SLC17A1: variants seen among roughly 807,000 people sequenced by gnomAD.
SLC17A1 encodes sodium-dependent phosphate transport protein 1.
In SLC17A1, 51 loss-of-function variants were observed where a neutral mutation model predicts 53.5. The observed-to-expected ratio is 0.95, with a 90% CI of 0.76 to 1.20. SLC17A1 has a LOEUF of 1.20. Among genes scored for constraint, SLC17A1 ranks in the 50% most tolerant of loss-of-function variants. The pLI is 0.00. For missense variants in SLC17A1, 538 were observed against 568.2 expected, an observed-to-expected ratio of 0.95 and a Z score of 0.54; for synonymous variants, 179 against 198.8, an observed-to-expected ratio of 0.90 and a Z score of 0.84.
the SLC17A1 span, among the ~76,000 whole-genome samples, chr6:25,747,610 C>T: frequency 6.6e-6 from 1 of 152,268 alleles, no homozygotes; most frequent in East Asian, 1.9e-4. Flanking sequence ...TAACCACCAA[C>T]GGGATGAGAT....
At chr6:25,731,292 C>T in the SLC17A1 span, among the ~76,000 whole-genome samples, 2 of 152,230 alleles carry the variant, frequency 1.3e-5, no homozygotes, top group Non-Finnish European at 2.9e-5. Context: ...ATTCTATTTA[C>T]ATCTACAAGG....
At chr6:25,738,580 G>A in the SLC17A1 span, among the ~76,000 whole-genome samples, 4 of 149,804 alleles carry the variant, frequency 2.7e-5, no homozygotes, top group African/African-American at 4.9e-5. Context: ...GAAAGTCTCC[G>A]TGAAGAAAAA....
intron 10 of SLC17A1, among the ~76,000 whole-genome samples, chr6:25,804,500 T>C (rs896883042): frequency 2.0e-5 from 3 of 151,886 alleles, no homozygotes; most frequent in African/African-American, 7.3e-5. Context: ...ACAAAGTAGG[T>C]AACATGATGA....
intron 3 of SLC17A1, 142 bp downstream of exon 3, chr6:25,826,319 T>A: frequency 1.9e-6 from 1 of 531,612 alleles, no homozygotes; most frequent in Non-Finnish European, 3.1e-6. Flanking sequence ...ACATTTTATT[T>A]AGGTCACTCC....
At position 25,813,164 on chromosome 6, in the gene SLC17A1, A is replaced by G. The variant is rs776086296; in HGVS notation, c.666T>C (p.Asp222=). The G allele has an allele frequency of 1.2e-6, 2 of 1,614,204 alleles. No individual in the cohort carries two copies. The highest frequency in any genetic ancestry group is 2.2e-5 in the South Asian group (2 of 91,080). The change falls in exon 7 of 13, where the codon GAT becomes GAC. Residue 222 remains aspartate (D), a synonymous_variant. Transcript: ENST00000244527. ...TTATACATGGGTGGTCTTTGGGGTCATCATAAAACAGAACGAACCAGAGAA... is the reference window on the plus strand; with the variant it reads ...TTATACATGGGTGGTCTTTGGGGTCGTCATAAAACAGAACGAACCAGAGAA... ...VCLLWFVLFY[D]DPKDHPCISI...
chr6:25,778,014 C>T (rs1349623934), downstream of SLC17A1: 5 of 1,588,130 alleles, frequency 3.1e-6, no homozygotes, highest in African/African-American at 1.3e-5. Flanking sequence ...TTTCATCAGT[C>T]AGGTGAGGTC....
chr6:25,749,123 C>T, the SLC17A1 span, among the ~76,000 whole-genome samples: 1 of 152,228 alleles, frequency 6.6e-6, no homozygotes, highest in South Asian at 2.1e-4. Context: ...ATATTTCAGA[C>T]TATCACATGG....
In SLC17A1 at chr6:25,801,175, C is replaced by T. The variant is rs572136518; in HGVS notation, c.1179-195G>A. ...GTCACCACAGAGTCAGAAAGGTTGG[C>T]GTTAGCAGTAAAGAATATGATGATA... On this transcript the variant is annotated intron_variant, in intron 10 of 12. Transcript: ENST00000244527. Among the ~76,000 whole-genome samples the T allele has an allele frequency of 1.2e-4, 18 of 151,916 alleles. No homozygotes were observed. The South Asian group carries it at 3.3e-3, about 28-fold the overall frequency.
the SLC17A1 span, among the ~76,000 whole-genome samples, chr6:25,763,998 GGTTA>G: frequency 6.6e-6 from 1 of 152,194 alleles, no homozygotes; most frequent in African/African-American, 2.4e-5. Flanking sequence ...AAGTCAGGTT[GGTTA>G]CTTTCAGAAA....
At chr6:25,821,747 C>A (rs191563355) in intron 3 of SLC17A1, among the ~76,000 whole-genome samples, 28 of 151,552 alleles carry the variant, frequency 1.8e-4, no homozygotes, top group African/African-American at 6.3e-4. Flanking sequence ...AAGATAAATC[C>A]TCAGTTTATA....
chr6:25,819,059 G>C lies in SLC17A1; in HGVS notation c.616+9C>G. 1 of 1,574,620 alleles carries C rather than the reference G, an allele frequency of 6.4e-7. No individual in the cohort carries two copies. Among genetic ancestry groups the C allele is most frequent in the Admixed American group, 1.9e-5 (1 of 52,206 alleles). On this transcript the variant is annotated intron_variant, in intron 6 of 12. Coordinates refer to ENST00000244527, the MANE Select transcript of SLC17A1 (RefSeq NM_005074.5). ...AATAATAACTAGGATTTTACAGAAA[G>C]AGACTCACCAAAAATATAGAAGACC... is the stretch of plus-strand genomic sequence containing the variant.
chr6:25,785,187 G>A (rs1246426845), intron 12 of SLC17A1, among the ~76,000 whole-genome samples: 1 of 152,016 alleles, frequency 6.6e-6, no homozygotes, highest in Non-Finnish European at 1.5e-5. Flanking sequence ...TTATAAATAA[G>A]TTTAACAAAA....
At chr6:25,732,053 GCT>G in the SLC17A1 span, 1 of 1,285,862 alleles carries the variant, frequency 7.8e-7, no homozygotes, top group East Asian at 2.6e-5. Context: ...AAATAGAATA[GCT>G]CTCTTTGCGG....
At chr6:25,732,429 T>A in the SLC17A1 span, 3 of 275,130 alleles carry the variant, frequency 1.1e-5, no homozygotes, top group Non-Finnish European at 2.1e-5. Context: ...CCGTTATAAC[T>A]TTTAGTTTTG....
At chr6:25,820,572 T>C (rs1233466767) in intron 3 of SLC17A1, among the ~76,000 whole-genome samples, 1 of 152,190 alleles carries the variant, frequency 6.6e-6, no homozygotes, top group African/African-American at 2.4e-5. Context: ...CCTTCTATTG[T>C]TTCTTTTTAC....
At chr6:25,750,716 A>G in the SLC17A1 span, among the ~76,000 whole-genome samples, 2 of 151,986 alleles carry the variant, frequency 1.3e-5, no homozygotes, top group Admixed American at 1.3e-4. Context: ...TGAGTGACAT[A>G]ATACCACAGA....
At chr6:25,761,462 C>T in the SLC17A1 span, among the ~76,000 whole-genome samples, 34 of 152,152 alleles carry the variant, frequency 2.2e-4, no homozygotes, top group Non-Finnish European at 4.6e-4. Context: ...ACATCTAACT[C>T]GGTGGAGATA....
intron 3 of SLC17A1, among the ~76,000 whole-genome samples, chr6:25,825,023 C>T (rs1764693691): frequency 6.6e-6 from 1 of 151,824 alleles, no homozygotes; most frequent in African/African-American, 2.4e-5. Context: ...AATATAGCTA[C>T]TTCAGTTTTC....
At chr6:25,769,260 G>A in the SLC17A1 span, 1 of 1,385,522 alleles carries the variant, frequency 7.2e-7, no homozygotes, top group Non-Finnish European at 1.0e-6. Flanking sequence ...ATAAAAGAGT[G>A]AGATTCATTT....
Sources: allele counts gnomAD v4.1 joint callset (sites outside exome capture counted in the v4.1 genomes callset), GRCh38; gene constraint gnomAD v4.1.1; transcripts MANE v1.5; gene names NCBI Gene and HGNC (gene_info 2026-07-23, HGNC 2026-07-21).